NCKAP5: variants seen among roughly 807,000 people sequenced by gnomAD.
The protein encoded by NCKAP5 is nck-associated protein 5.
In NCKAP5, 92 loss-of-function variants were observed where a neutral mutation model predicts 167.0. The observed-to-expected ratio is 0.55, with a 90% CI of 0.47 to 0.66. The LOEUF is 0.66. Ranked by LOEUF, NCKAP5 falls within the 30% of genes least tolerant of loss-of-function variation. NCKAP5 has a pLI of 0.00. For missense variants in NCKAP5, 2,378 were observed against 2,315.0 expected (o/e 1.03, Z -0.56); for synonymous variants, 891 against 877.4 (o/e 1.02, Z -0.27).
chr2:133,666,817 G>A, the NCKAP5 span, among the ~76,000 whole-genome samples: 1 of 151,910 alleles, frequency 6.6e-6, no homozygotes, highest in Non-Finnish European at 1.5e-5. Context: ...GAGACAGCCT[G>A]TCTCATAGCA....
At chr2:132,777,741 C>T (rs867260853) in intron 15 of NCKAP5, among the ~76,000 whole-genome samples, 8 of 152,200 alleles carry the variant, frequency 5.3e-5, no homozygotes, top group Middle Eastern at 3.4e-3. Flanking sequence ...TTTCGCAGAA[C>T]TTAATAAGAT....
intron 6 of NCKAP5, among the ~76,000 whole-genome samples, chr2:133,086,163 T>C (rs2080983687): frequency 6.6e-6 from 1 of 152,206 alleles, no homozygotes; most frequent in Admixed American, 6.5e-5. Context: ...CGCCATTCTT[T>C]GTCAATTACT....
intron 2 of NCKAP5, among the ~76,000 whole-genome samples, chr2:133,549,315 C>T (rs1687059546): frequency 6.6e-6 from 1 of 151,730 alleles, no homozygotes; most frequent in African/African-American, 2.4e-5. Context: ...CCACACCACA[C>T]CTATTCCAAA....
intron 3 of NCKAP5, among the ~76,000 whole-genome samples, chr2:133,495,066 CT>C (rs1336239868): frequency 6.6e-6 from 1 of 152,158 alleles, no homozygotes; most frequent in African/African-American, 2.4e-5. Context: ...TAGATAATAA[CT>C]TTTTCAACCA....
intron 4 of NCKAP5, among the ~76,000 whole-genome samples, chr2:133,294,428 C>T (rs139270742): frequency 6.6e-5 from 10 of 152,324 alleles, no homozygotes; most frequent in African/African-American, 2.4e-4. Flanking sequence ...TGACTCTTCT[C>T]AGAGAGCATG....
the NCKAP5 span, among the ~76,000 whole-genome samples, chr2:133,627,983 A>G: frequency 5.3e-5 from 8 of 152,252 alleles, no homozygotes; most frequent in African/African-American, 1.4e-4. Context: ...CTTAAAAAGT[A>G]CTTGTGCATT....
intron 9 of NCKAP5, among the ~76,000 whole-genome samples, chr2:132,874,496 A>G (rs746385116): frequency 6.6e-5 from 10 of 152,212 alleles, no homozygotes; most frequent in Non-Finnish European, 1.0e-4. Flanking sequence ...TAGGCTAGGC[A>G]TGTAGCATGT....
At chr2:133,042,254 G>C (rs2079241003) in intron 6 of NCKAP5, among the ~76,000 whole-genome samples, 1 of 152,124 alleles carries the variant, frequency 6.6e-6, no homozygotes, top group African/African-American at 2.4e-5. Flanking sequence ...GCAAGGTATA[G>C]AAAGCACCCA....
At chr2:133,511,571 T>G (rs1353486094) in intron 3 of NCKAP5, among the ~76,000 whole-genome samples, 1 of 152,198 alleles carries the variant, frequency 6.6e-6, no homozygotes, top group East Asian at 1.9e-4. Flanking sequence ...TTGGAAAGGT[T>G]GCTAAACCAG....
At chr2:133,629,766 G>A in the NCKAP5 span, among the ~76,000 whole-genome samples, 4 of 151,952 alleles carry the variant, frequency 2.6e-5, no homozygotes, top group African/African-American at 4.8e-5. Context: ...AAGGAAATGT[G>A]GTACATATAC....
chr2:133,333,297 C>T (rs898490283), intron 3 of NCKAP5, among the ~76,000 whole-genome samples: 5 of 152,076 alleles, frequency 3.3e-5, no homozygotes, highest in African/African-American at 1.2e-4. Flanking sequence ...TTAGATAAAT[C>T]CCAGGTCCTG....
intron 6 of NCKAP5, among the ~76,000 whole-genome samples, chr2:133,111,304 T>C (rs1232454067): frequency 6.6e-6 from 1 of 152,050 alleles, no homozygotes; most frequent in East Asian, 1.9e-4. Flanking sequence ...CATATACCCA[T>C]CTCAAAAAGG....
At chr2:132,706,360 G>A (rs568343717) in intron 19 of NCKAP5, among the ~76,000 whole-genome samples, 38 of 152,322 alleles carry the variant, frequency 2.5e-4, no homozygotes, top group Non-Finnish European at 4.1e-4. Context: ...GATGGAAGGA[G>A]GCTGGATCTG....
intron 13 of NCKAP5, among the ~76,000 whole-genome samples, chr2:132,786,660 A>G (rs964857936): frequency 6.0e-5 from 9 of 148,858 alleles, no homozygotes; most frequent in South Asian, 2.2e-4. Flanking sequence ...TGGAAGGGGG[A>G]AAAAAAAAAG....
intron 11 of NCKAP5, among the ~76,000 whole-genome samples, chr2:132,855,472 G>T (rs183542082): frequency 6.6e-6 from 1 of 152,144 alleles, no homozygotes; most frequent in Non-Finnish European, 1.5e-5. Context: ...GACTGGAGGC[G>T]CCTCCATGGC....
At chr2:133,089,066 A>T (rs1473095074) in intron 6 of NCKAP5, among the ~76,000 whole-genome samples, 2 of 152,232 alleles carry the variant, frequency 1.3e-5, no homozygotes, top group Admixed American at 6.5e-5. Flanking sequence ...GTGAGAAAAT[A>T]TGATGTTCCT....
At chr2:133,148,286 T>A (rs2083270535) in intron 5 of NCKAP5, among the ~76,000 whole-genome samples, 1 of 152,094 alleles carries the variant, frequency 6.6e-6, no homozygotes, top group Non-Finnish European at 1.5e-5. Context: ...TGAAAGCCAG[T>A]ATATGGTACA....
chr2:133,440,430 G>C (rs1298702464), intron 3 of NCKAP5, among the ~76,000 whole-genome samples: 3 of 152,192 alleles, frequency 2.0e-5, no homozygotes, highest in East Asian at 3.9e-4. Flanking sequence ...ATTTTAGAAG[G>C]CCAGGCCCAG....
intron 4 of NCKAP5, among the ~76,000 whole-genome samples, chr2:133,240,819 C>T (rs767267304): frequency 4.6e-5 from 7 of 152,188 alleles, no homozygotes; most frequent in Non-Finnish European, 8.8e-5. Context: ...ATTTACAAAG[C>T]ACTCACTGGA....
Sources: gnomAD v4.1 joint callset for allele counts (sites outside exome capture counted in the v4.1 genomes callset) on GRCh38, gnomAD v4.1.1 for gene constraint, MANE v1.5 for transcripts, NCBI Gene and HGNC (gene_info 2026-07-23, HGNC 2026-07-21) for gene names.